The following APOO variants were observed in gnomAD, a reference collection of about 807,000 sequenced individuals.
APOO encodes MICOS complex subunit MIC26.
Under a neutral mutation model 23.1 loss-of-function variants are expected in APOO, and 11 were observed. That is an observed-to-expected ratio of 0.48 (90% confidence interval 0.30 to 0.79). The LOEUF is 0.79. Ranked by LOEUF, APOO falls within the 30% of genes least tolerant of loss-of-function variation. APOO has a pLI of 0.07. For synonymous variants in APOO, 59 were observed against 54.8 expected (o/e 1.08, Z -0.34); for missense variants, 160 against 142.7 (o/e 1.12, Z -0.62).
At chrX:23,875,273 T>C (rs898299815) in intron 3 of APOO, among the ~76,000 whole-genome samples, 6 of 107,076 alleles carry the variant, frequency 5.6e-5, no homozygotes, top group African/African-American at 2.0e-4. Flanking sequence ...TATCACATGA[T>C]CCTAAAGGAA....
intron 8 of APOO, among the ~76,000 whole-genome samples, chrX:23,834,017 A>T (rs1000225210): frequency 3.6e-5 from 4 of 110,781 alleles, no homozygotes; most frequent in Non-Finnish European, 5.7e-5. Flanking sequence ...AACCATAGAA[A>T]ATATTTACAT....
chrX:23,856,241 A>G, intron 7 of APOO, 61 bp downstream of exon 7: 1 of 1,058,740 alleles, frequency 9.4e-7, no homozygotes, highest in Non-Finnish European at 1.3e-6. Context: ...ATATTTTACA[A>G]AACCCTAGAG....
chrX:23,841,536 A>T (rs1423044266), intron 7 of APOO, among the ~76,000 whole-genome samples: 2 of 108,025 alleles, frequency 1.9e-5, no homozygotes, highest in Non-Finnish European at 3.8e-5. Context: ...ATGATAAAGT[A>T]TATGGTCACC....
At chrX:23,875,396 T>A (rs1025016148) in intron 3 of APOO, among the ~76,000 whole-genome samples, 6 of 106,400 alleles carry the variant, frequency 5.6e-5, no homozygotes, top group East Asian at 3.2e-4. Context: ...AAAGGATTTT[T>A]TTTTTATTTT....
At chrX:23,841,809 A>C (rs1923997431) in intron 7 of APOO, among the ~76,000 whole-genome samples, 1 of 110,915 alleles carries the variant, frequency 9.0e-6, no homozygotes. Flanking sequence ...CGAAATTGAC[A>C]AACTCCCTAC....
intron 1 of APOO, among the ~76,000 whole-genome samples, chrX:23,893,513 C>T (rs759838379): frequency 1.2e-4 from 13 of 111,719 alleles, no homozygotes; most frequent in African/African-American, 4.2e-4. Flanking sequence ...GAATACTCTC[C>T]TCCATAAGGA....
At chrX:23,866,414 G>A (rs992077515) in intron 5 of APOO, among the ~76,000 whole-genome samples, 1 of 112,135 alleles carries the variant, frequency 8.9e-6, no homozygotes, top group Admixed American at 9.5e-5. Context: ...TGTGACATGA[G>A]TTGCTTCCAC....
intron 5 of APOO, among the ~76,000 whole-genome samples, chrX:23,865,300 A>G (rs1189112393): frequency 9.0e-6 from 1 of 111,073 alleles, no homozygotes; most frequent in Non-Finnish European, 1.9e-5. Context: ...ACCTTAGCAG[A>G]TACGCTCAAG....
chrX:23,892,458 T>A (rs2147039946), intron 1 of APOO, among the ~76,000 whole-genome samples: 1 of 109,785 alleles, frequency 9.1e-6, no homozygotes, highest in Non-Finnish European at 1.9e-5. Context: ...TTTCACCATG[T>A]TGGCTAGGCT....
intron 3 of APOO, among the ~76,000 whole-genome samples, chrX:23,878,687 T>C (rs1371244758): frequency 1.0e-5 from 1 of 100,127 alleles, no homozygotes; most frequent in Non-Finnish European, 2.0e-5. Flanking sequence ...AGTCATCCTG[T>C]TGTGCTATCA....
chrX:23,841,486 TAAAA>T (rs543879334), intron 7 of APOO, among the ~76,000 whole-genome samples: 3 of 65,075 alleles, frequency 4.6e-5, no homozygotes, highest in South Asian at 8.6e-4. Flanking sequence ...AAAAGAAGTT[TAAAA>T]AAAAAAAAAA....
intron 7 of APOO, among the ~76,000 whole-genome samples, chrX:23,848,162 C>T (rs999073117): frequency 9.3e-6 from 1 of 107,183 alleles, no homozygotes; most frequent in African/African-American, 3.4e-5. Context: ...CATGAGCCAC[C>T]GCGTCTGGCC....
At chrX:23,879,963 C>T (rs1259474429) in intron 2 of APOO, among the ~76,000 whole-genome samples, 1 of 111,299 alleles carries the variant, frequency 9.0e-6, no homozygotes, top group Non-Finnish European at 1.9e-5. Flanking sequence ...ATCCTTACCT[C>T]ACTTTATTCA....
chrX:23,838,357 CAA>C (rs764414297), intron 8 of APOO, among the ~76,000 whole-genome samples: 2 of 20,080 alleles, frequency 1.0e-4, no homozygotes, highest in Non-Finnish European at 7.1e-5. Flanking sequence ...AACTCTATCT[CAA>C]AAAAAAAAAA....
At chrX:23,894,525 G>T (rs187557145) in intron 1 of APOO, among the ~76,000 whole-genome samples, 8 of 111,892 alleles carry the variant, frequency 7.1e-5, no homozygotes, top group African/African-American at 2.6e-4. Context: ...GCCAGGCGCC[G>T]TGGCTCACGC....
intron 1 of APOO, among the ~76,000 whole-genome samples, chrX:23,887,026 T>C (rs550532240): frequency 9.1e-6 from 1 of 109,836 alleles, no homozygotes; most frequent in African/African-American, 3.3e-5. Flanking sequence ...AGAAACACAA[T>C]CAACTTTCAG....
At chrX:23,892,551 C>T (rs12399086) in intron 1 of APOO, among the ~76,000 whole-genome samples, 62 of 110,028 alleles carry the variant, frequency 5.6e-4, no homozygotes, top group African/African-American at 2.0e-3. Flanking sequence ...GGGCAGTTCA[C>T]GAGGTCAGGA....
chrX:23,846,276 A>G (rs984240003), intron 7 of APOO, among the ~76,000 whole-genome samples: 6 of 96,431 alleles, frequency 6.2e-5, no homozygotes, highest in African/African-American at 2.4e-4. Flanking sequence ...GCACCATTAC[A>G]CTCCAGCCTG....
intron 8 of APOO, among the ~76,000 whole-genome samples, chrX:23,836,429 C>T (rs190441788): frequency 8.0e-4 from 90 of 112,049 alleles, no homozygotes; most frequent in Non-Finnish European, 8.7e-4. Context: ...ATTCCCCTGC[C>T]TCGGCCTCCC....
Sources: allele counts gnomAD v4.1 joint callset (sites outside exome capture counted in the v4.1 genomes callset), GRCh38; gene constraint gnomAD v4.1.1; transcripts MANE v1.5; gene names NCBI Gene and HGNC (gene_info 2026-07-23, HGNC 2026-07-21).